The following SUSD3 variants were observed in gnomAD, a reference collection of about 807,000 sequenced individuals.
The protein encoded by SUSD3 is sushi domain containing 3.
A neutral mutation model predicts 20.6 loss-of-function variants in SUSD3; 18 were observed. The observed-to-expected ratio is 0.87, with a 90% CI of 0.60 to 1.30. The LOEUF is 1.30. Among genes scored for constraint, SUSD3 ranks in the 50% most tolerant of loss-of-function variants. SUSD3 has a pLI of 0.00. For synonymous variants in SUSD3, 137 were observed against 141.5 expected (o/e 0.97, Z 0.23); for missense variants, 306 against 346.9 (o/e 0.88, Z 0.94).
At chr9:93,075,481 C>T (rs1826097419) in intron 1 of SUSD3, among the ~76,000 whole-genome samples, 1 of 143,226 alleles carries the variant, frequency 7.0e-6, no homozygotes, top group Non-Finnish European at 1.5e-5. Context: ...TAATCAAAGG[C>T]CATGCCTCAG....
At chr9:93,077,736 G>A in intron 2 of SUSD3, 110 bp from the exon 3 acceptor site, 4 of 1,189,566 alleles carry the variant, frequency 3.4e-6, no homozygotes, top group Non-Finnish European at 2.4e-6. Context: ...GGCTGCCCAG[G>A]CCCTGTCTAC....
intron 1 of SUSD3, among the ~76,000 whole-genome samples, chr9:93,073,500 G>C (rs368427662): frequency 6.6e-6 from 1 of 151,948 alleles, no homozygotes; most frequent in Non-Finnish European, 1.5e-5. Context: ...CGCCCGCCTC[G>C]GCCTCCCAAA....
At chr9:93,068,518 G>T (rs913106771) in intron 1 of SUSD3, among the ~76,000 whole-genome samples, 2 of 152,162 alleles carry the variant, frequency 1.3e-5, no homozygotes, top group African/African-American at 4.8e-5. Flanking sequence ...GTTCTATTCT[G>T]TTGGCCTTTA....
intron 3 of SUSD3, 125 bp from the exon 4 acceptor site, chr9:93,079,344 CTT>C (rs1402393074): frequency 1.6e-5 from 16 of 1,029,452 alleles, no homozygotes; most frequent in Non-Finnish European, 2.3e-5. Context: ...CTGCCCAGCT[CTT>C]TGAGAGGTTT....
At chr9:93,073,816 G>A (rs746566582) in intron 1 of SUSD3, among the ~76,000 whole-genome samples, 3 of 152,182 alleles carry the variant, frequency 2.0e-5, no homozygotes, top group Non-Finnish European at 2.9e-5. Context: ...ATAGCACAAC[G>A]ACTCAGATGC....
chr9:93,070,433 G>A lies in SUSD3; in HGVS notation c.89-5351G>A, dbSNP rs555067502. 6.6e-5 allele frequency among the ~76,000 whole-genome samples: 10 copies of A among 152,346 alleles called. No individual in the cohort carries two copies. The South Asian group carries it at 2.1e-3, about 32-fold the overall frequency. On this transcript the variant is annotated intron_variant, in intron 1 of 4. Transcript: ENST00000375472. The stretch of plus-strand genomic sequence containing the variant: ...TCAGAATGGCCCTGCCCAGGCCAGA[G>A]GCTGGCCTTCCCCAGATACTGAAGG...
intron 1 of SUSD3, among the ~76,000 whole-genome samples, chr9:93,059,976 C>G (rs939177639): frequency 1.3e-5 from 2 of 152,174 alleles, no homozygotes; most frequent in African/African-American, 4.8e-5. Flanking sequence ...TTGAGCAAGG[C>G]CTGCCCAGGG....
intron 1 of SUSD3, among the ~76,000 whole-genome samples, chr9:93,070,575 G>A (rs754670818): frequency 2.0e-5 from 3 of 152,242 alleles, no homozygotes; most frequent in Non-Finnish European, 2.9e-5. Flanking sequence ...TTCTGGGGCT[G>A]CAGAATGGGG....
In SUSD3 at chr9:93,058,803, AC is replaced by A; in HGVS notation, c.63del (p.Thr22ArgfsTer85). On this transcript the variant is annotated frameshift_variant, in exon 1 of 5. Transcript: ENST00000375472. LOFTEE classifies it high-confidence loss of function. ...GAGGCCCCGGGGGCGGGCCGGGGTC[AC>A]CACGCCTGCCCCAGGGAACCGCACA... ...KARPRGRAGVTTPAPGNRTGT... is the reference protein window; with the variant it reads ...KARPRGRAGVXTPAPGNRTGT... 1 of 1,250,020 alleles carries A rather than the reference AC, an allele frequency of 8.0e-7. No homozygotes were observed. Among genetic ancestry groups the A allele is most frequent in the Non-Finnish European group, 1.0e-6 (1 of 996,942 alleles). 77.4% of individuals were successfully genotyped at this position (1,250,020 alleles called of 1,614,324 possible). A position where few individuals can be genotyped will look rare whatever the true frequency, so the allele number is the denominator to read the frequency against.
chr9:93,059,523 T>G (rs1587890338), intron 1 of SUSD3, among the ~76,000 whole-genome samples: 1 of 152,218 alleles, frequency 6.6e-6, no homozygotes, highest in East Asian at 1.9e-4. Context: ...CCTTGCTCCT[T>G]GAATGATTCT....
intron 1 of SUSD3, among the ~76,000 whole-genome samples, chr9:93,068,592 T>G (rs1825803846): frequency 6.6e-6 from 1 of 152,222 alleles, no homozygotes; most frequent in South Asian, 2.1e-4. Context: ...CATTTTGAAA[T>G]TGGCAAGTGT....
chr9:93,074,616 C>CTTT (rs989411910), intron 1 of SUSD3, among the ~76,000 whole-genome samples: 1,102 of 96,294 alleles, frequency 0.011, 63 homozygotes, highest in African/African-American at 0.038. Flanking sequence ...GCAGCAGATT[C>CTTT]TTTTTTTTTT....
chr9:93,083,379 C>T (rs1408605158), intron 4 of SUSD3, among the ~76,000 whole-genome samples: 2 of 152,218 alleles, frequency 1.3e-5, no homozygotes, highest in South Asian at 2.1e-4. Flanking sequence ...GCAGGATCCT[C>T]GGGATATGCC....
intron 4 of SUSD3, among the ~76,000 whole-genome samples, chr9:93,081,410 C>T (rs993886844): frequency 2.0e-5 from 3 of 152,208 alleles, no homozygotes; most frequent in Non-Finnish European, 4.4e-5. Context: ...GTATGACTAA[C>T]AGCTCCATGC....
At chr9:93,064,070 A>G (rs1825610525) in intron 1 of SUSD3, among the ~76,000 whole-genome samples, 1 of 151,146 alleles carries the variant, frequency 6.6e-6, no homozygotes, top group Non-Finnish European at 1.5e-5. Flanking sequence ...TTTTTTTGAG[A>G]CAGAGTCTCA....
At chr9:93,082,374 G>A (rs1411044182) in intron 4 of SUSD3, among the ~76,000 whole-genome samples, 4 of 139,764 alleles carry the variant, frequency 2.9e-5, no homozygotes, top group Non-Finnish European at 4.5e-5. Context: ...CTGGAGTTCA[G>A]TGGCGCGATC....
chr9:93,060,192 C>T (rs1825450415), intron 1 of SUSD3, among the ~76,000 whole-genome samples: 1 of 152,244 alleles, frequency 6.6e-6, no homozygotes, highest in Non-Finnish European at 1.5e-5. Context: ...TGCTCTTGTT[C>T]ATCCTGCCTG....
intron 2 of SUSD3, 36 bp downstream of exon 2, chr9:93,076,008 G>A (rs1826144637): frequency 1.9e-6 from 3 of 1,540,914 alleles, no homozygotes; most frequent in East Asian, 2.3e-5. Context: ...GGCTCTGGGG[G>A]TGGGGGATGG....
chr9:93,061,718 C>T (rs1351493577), intron 1 of SUSD3, among the ~76,000 whole-genome samples: 1 of 152,182 alleles, frequency 6.6e-6, no homozygotes, highest in Non-Finnish European at 1.5e-5. Flanking sequence ...GGGTCCTGTT[C>T]TCAAAGCACC....
Sources: gnomAD v4.1 joint callset for allele counts (sites outside exome capture counted in the v4.1 genomes callset) on GRCh38, gnomAD v4.1.1 for gene constraint, MANE v1.5 for transcripts, NCBI Gene and HGNC (gene_info 2026-07-23, HGNC 2026-07-21) for gene names.